The following ZSWIM6 variants were observed in gnomAD, a reference collection of about 807,000 sequenced individuals.
ZSWIM6 encodes the protein zinc finger SWIM domain-containing protein 6.
A neutral mutation model predicts 113.2 loss-of-function variants in ZSWIM6; 9 were observed. The ratio of observed to expected loss-of-function variants is 0.08; its 90% CI spans 0.05 to 0.14. The LOEUF (loss-of-function observed/expected upper bound fraction) is 0.14, where lower values mean the gene tolerates loss of function less well. Among genes scored for constraint, ZSWIM6 ranks in the 10% least tolerant of loss-of-function variants. The pLI, the probability that ZSWIM6 is intolerant of heterozygous loss-of-function variation, is 1.00. For missense variants in ZSWIM6, 1,162 were observed against 1,552.2 expected (o/e 0.75, Z 4.22); for synonymous variants, 611 against 606.5 (o/e 1.01, Z -0.11).
chr5:61,535,428 A>C lies in ZSWIM6; in HGVS notation c.2246-56A>C, dbSNP rs982475849. The C allele has an allele frequency of 4.6e-6, 7 of 1,537,688 alleles. No homozygotes were observed. In the African/African-American group the frequency reaches 9.6e-5, roughly 21 times the overall value. The stretch of plus-strand genomic sequence containing the variant: ...GTGACATTTTAACAATATGCTTTAC[A>C]AGAAGTGTTAGTTCATTTTTTAGGA... On this transcript the variant is annotated intron_variant, in intron 9 of 13. Coordinates refer to ENST00000252744, the MANE Select transcript of ZSWIM6 (RefSeq NM_020928.2).
chr5:61,517,971 A>T (rs1340649617), intron 4 of ZSWIM6, among the ~76,000 whole-genome samples: 2 of 116,432 alleles, frequency 1.7e-5, no homozygotes, highest in Admixed American at 2.3e-4. Flanking sequence ...CCAGAGTGTG[A>T]TGTTCCCCTT....
intron 1 of ZSWIM6, among the ~76,000 whole-genome samples, chr5:61,361,979 A>G (rs778053579): frequency 2.0e-5 from 3 of 152,234 alleles, no homozygotes; most frequent in Non-Finnish European, 4.4e-5. Flanking sequence ...GTTTTCACAT[A>G]TGGAAATAGG....
At chr5:61,476,904 T>A (rs1747720370) in intron 2 of ZSWIM6, among the ~76,000 whole-genome samples, 1 of 152,168 alleles carries the variant, frequency 6.6e-6, no homozygotes, top group Non-Finnish European at 1.5e-5. Flanking sequence ...GACCCATTTT[T>A]TCTCATATTT....
chr5:61,414,153 G>A (rs1397715533), intron 1 of ZSWIM6, among the ~76,000 whole-genome samples: 2 of 152,264 alleles, frequency 1.3e-5, no homozygotes, highest in Admixed American at 6.5e-5. Flanking sequence ...TGGAGAATAT[G>A]TTGGTGAGGG....
At chr5:61,536,623 C>G (rs921914437) in intron 10 of ZSWIM6, among the ~76,000 whole-genome samples, 1 of 152,182 alleles carries the variant, frequency 6.6e-6, no homozygotes, top group African/African-American at 2.4e-5. Flanking sequence ...CTATAAATTA[C>G]CAGTGTCCCC....
intron 4 of ZSWIM6, among the ~76,000 whole-genome samples, chr5:61,508,051 C>A (rs886084188): frequency 1.3e-5 from 2 of 152,156 alleles, no homozygotes; most frequent in African/African-American, 4.8e-5. Flanking sequence ...GCACAATTTT[C>A]TACTTCTCTC....
chr5:61,391,318 A>C (rs1745706552), intron 1 of ZSWIM6: 2 of 828,556 alleles, frequency 2.4e-6, no homozygotes, highest in African/African-American at 3.3e-5. Context: ...GCCTCCCTTT[A>C]CCTGGATCTC....
At chr5:61,439,203 TTTCTGCCTCACATGGAA>T (rs1200335568) in intron 1 of ZSWIM6, among the ~76,000 whole-genome samples, 1 of 152,182 alleles carries the variant, frequency 6.6e-6, no homozygotes, top group Non-Finnish European at 1.5e-5. Flanking sequence ...GACTTTTATT[TTTCTGCCTCACATGGAA>T]GTTCCCTTGC....
intron 1 of ZSWIM6, among the ~76,000 whole-genome samples, chr5:61,445,094 T>C (rs1196562593): frequency 1.3e-5 from 2 of 152,218 alleles, no homozygotes; most frequent in African/African-American, 4.8e-5. Context: ...TGTATTAAAA[T>C]AGTTTATGCA....
At chr5:61,465,762 T>C (rs914246913) in intron 1 of ZSWIM6, among the ~76,000 whole-genome samples, 1 of 152,214 alleles carries the variant, frequency 6.6e-6, no homozygotes, top group African/African-American at 2.4e-5. Flanking sequence ...TGCCATTGTT[T>C]TTCTCTCAAA....
intron 1 of ZSWIM6, among the ~76,000 whole-genome samples, chr5:61,465,823 A>G (rs187802224): frequency 6.6e-6 from 1 of 152,224 alleles, no homozygotes; most frequent in African/African-American, 2.4e-5. Context: ...TTTTTAAGGT[A>G]GTCTTAAAAT....
intron 1 of ZSWIM6, among the ~76,000 whole-genome samples, chr5:61,354,029 G>T (rs1025176857): frequency 2.0e-5 from 3 of 152,188 alleles, no homozygotes; most frequent in Non-Finnish European, 4.4e-5. Context: ...GCCTTAAAAT[G>T]TGCTTTCCCC....
At chr5:61,384,537 T>C (rs1271316146) in intron 1 of ZSWIM6, among the ~76,000 whole-genome samples, 3 of 152,108 alleles carry the variant, frequency 2.0e-5, no homozygotes, top group Non-Finnish European at 2.9e-5. Flanking sequence ...TTCATGAGAT[T>C]ATGGGGTTTA....
Position 61,497,723 on chromosome 5 carries a change from G to T in ZSWIM6, c.1333+3313G>T, listed in dbSNP as rs192461338. On this transcript the variant is annotated intron_variant, in intron 4 of 13. Coordinates refer to ENST00000252744, the MANE Select transcript of ZSWIM6 (RefSeq NM_020928.2). ...CAGTGTTCTCAAGATGAGTAATGTT[G>T]TATCATAATCAGCTATAAGAAAAGG... Among the ~76,000 whole-genome samples the T allele has an allele frequency of 4.6e-5, 7 of 152,166 alleles. No homozygotes were observed. The East Asian group carries it at 1.4e-3, about 29-fold the overall frequency.
intron 1 of ZSWIM6, among the ~76,000 whole-genome samples, chr5:61,382,213 G>A (rs1745501820): frequency 6.6e-6 from 1 of 152,164 alleles, no homozygotes; most frequent in African/African-American, 2.4e-5. Flanking sequence ...TGACAAAATA[G>A]CCAGAAAATG....
intron 1 of ZSWIM6, among the ~76,000 whole-genome samples, chr5:61,468,286 A>T (rs554676401): frequency 6.6e-6 from 1 of 152,344 alleles, no homozygotes; most frequent in South Asian, 2.1e-4. Flanking sequence ...GTTCCTGCAG[A>T]TTAAAAATGG....
At chr5:61,423,408 C>CAA (rs1188574400) in intron 1 of ZSWIM6, among the ~76,000 whole-genome samples, 1 of 92,126 alleles carries the variant, frequency 1.1e-5, no homozygotes, top group African/African-American at 4.0e-5. Context: ...AACTCCATCT[C>CAA]AAAAAAAAAA....
At chr5:61,361,827 C>T (rs1294787313) in intron 1 of ZSWIM6, among the ~76,000 whole-genome samples, 1 of 152,188 alleles carries the variant, frequency 6.6e-6, no homozygotes, top group Non-Finnish European at 1.5e-5. Context: ...ATCCTTTCCT[C>T]ACAGGAAATT....
intron 1 of ZSWIM6, among the ~76,000 whole-genome samples, chr5:61,420,020 C>T (rs1287313309): frequency 4.6e-5 from 7 of 152,286 alleles, no homozygotes; most frequent in South Asian, 2.1e-4. Flanking sequence ...ACCTGTAACA[C>T]GAAGATCATA....
Sources: gnomAD v4.1 joint callset for allele counts (sites outside exome capture counted in the v4.1 genomes callset) on GRCh38, gnomAD v4.1.1 for gene constraint, MANE v1.5 for transcripts, NCBI Gene and HGNC (gene_info 2026-07-23, HGNC 2026-07-21) for gene names.